Variants in DSCAM observed in about 807,000 individuals in gnomAD.
DSCAM encodes the protein DS cell adhesion molecule.
A neutral mutation model predicts 217.7 loss-of-function variants in DSCAM; 47 were observed. That is an observed-to-expected ratio of 0.22 (90% confidence interval 0.17 to 0.28). The LOEUF (loss-of-function observed/expected upper bound fraction) is 0.28, where lower values mean the gene tolerates loss of function less well. Among genes scored for constraint, DSCAM ranks in the 10% least tolerant of loss-of-function variants. DSCAM has a pLI of 1.00. For missense variants in DSCAM, 2,080 were observed against 2,618.3 expected (o/e 0.79, Z 4.49); for synonymous variants, 1,056 against 1,015.3 (o/e 1.04, Z -0.76).
chr21:40,838,071 G>A (rs1359088497), intron 1 of DSCAM, among the ~76,000 whole-genome samples: 2 of 152,168 alleles, frequency 1.3e-5, no homozygotes, highest in African/African-American at 4.8e-5. Context: ...TTTCCTTAAA[G>A]TAATAAGTTT....
chr21:40,811,112 T>A (rs1388744705), intron 1 of DSCAM, among the ~76,000 whole-genome samples: 1 of 152,168 alleles, frequency 6.6e-6, no homozygotes, highest in African/African-American at 2.4e-5. Flanking sequence ...GCTCAGTGTG[T>A]CCCTAGTCAG....
chr21:40,844,328 C>A (rs113670817), intron 1 of DSCAM, among the ~76,000 whole-genome samples: 1 of 152,184 alleles, frequency 6.6e-6, no homozygotes, highest in Non-Finnish European at 1.5e-5. Context: ...TCCCCTCCCC[C>A]CTTCAAAGAT....
intron 3 of DSCAM, among the ~76,000 whole-genome samples, chr21:40,459,651 T>G (rs1203044732): frequency 6.6e-6 from 1 of 152,196 alleles, no homozygotes; most frequent in East Asian, 1.9e-4. Context: ...CAGACTCTAC[T>G]TAAGATGGGA....
At chr21:40,663,885 G>A (rs1427819142) in intron 3 of DSCAM, among the ~76,000 whole-genome samples, 1 of 151,970 alleles carries the variant, frequency 6.6e-6, no homozygotes, top group Admixed American at 6.5e-5. Flanking sequence ...TTTGATTTCT[G>A]TTTGTCACTT....
chr21:40,630,167 G>T (rs1454866767), intron 3 of DSCAM, among the ~76,000 whole-genome samples: 1 of 152,146 alleles, frequency 6.6e-6, no homozygotes, highest in Admixed American at 6.5e-5. Flanking sequence ...CACAAAGTAT[G>T]TCTAATATTA....
chr21:40,673,094 T>G (rs541790484), intron 3 of DSCAM, among the ~76,000 whole-genome samples: 1 of 152,276 alleles, frequency 6.6e-6, no homozygotes, highest in African/African-American at 2.4e-5. Context: ...ATCCCTTCCC[T>G]GGCCACCTCC....
At chr21:40,219,596 G>T (rs1179931672) in intron 11 of DSCAM, among the ~76,000 whole-genome samples, 2 of 152,108 alleles carry the variant, frequency 1.3e-5, no homozygotes, top group Admixed American at 1.3e-4. Flanking sequence ...AATTAAGGGT[G>T]AAATTAATGA....
At chr21:40,780,409 G>GTATATA (rs2091528831) in intron 1 of DSCAM, among the ~76,000 whole-genome samples, 6 of 76,618 alleles carry the variant, frequency 7.8e-5, no homozygotes, top group South Asian at 5.8e-4. Context: ...GTGTGTGTGT[G>GTATATA]TGTGTGTGTG....
intron 3 of DSCAM, chr21:40,630,910 G>C (rs1309719384): frequency 1.3e-5 from 2 of 152,174 alleles, no homozygotes; most frequent in Admixed American, 1.3e-4. Flanking sequence ...ATGAAACGAA[G>C]TCCCCGCTTG....
At chr21:40,524,400 G>A in intron 3 of DSCAM, among the ~76,000 whole-genome samples, 1 of 151,702 alleles carries the variant, frequency 6.6e-6, no homozygotes, top group East Asian at 1.9e-4. Context: ...GCTTGATAAA[G>A]TAATTTAAAA....
chr21:40,031,226 T>G lies in DSCAM; in HGVS notation c.5686+11145A>C, dbSNP rs533918394. On this transcript the variant is annotated intron_variant, in intron 32 of 32. Transcript: ENST00000400454. Reference sequence around the variant, plus strand: ...AAAGTGATGGGGGAGGCATGTACCTTAGAGAACAGTGATGTGGGGGTAGAG... The same window carrying G: ...AAAGTGATGGGGGAGGCATGTACCTGAGAGAACAGTGATGTGGGGGTAGAG... 2.0e-3 allele frequency among the ~76,000 whole-genome samples: 307 copies of G among 152,228 alleles called. 3 individuals carry two copies. The highest frequency in any genetic ancestry group is 6.9e-3 in the African/African-American group (288 of 41,536).
intron 3 of DSCAM, among the ~76,000 whole-genome samples, chr21:40,559,786 C>CTTTTTTTTTTTTT: frequency 9.1e-6 from 1 of 109,410 alleles, no homozygotes; most frequent in African/African-American, 3.4e-5. Flanking sequence ...AATTTTCTGT[C>CTTTTTTTTTTTTT]TTTTTTTTTT....
chr21:40,282,138 T>C (rs1259909048), intron 10 of DSCAM, among the ~76,000 whole-genome samples: 1 of 152,210 alleles, frequency 6.6e-6, no homozygotes, highest in Admixed American at 6.5e-5. Flanking sequence ...GCCTTCAACT[T>C]TTATTTAAGT....
chr21:40,419,034 G>C (rs983194516), intron 3 of DSCAM, among the ~76,000 whole-genome samples: 2 of 151,974 alleles, frequency 1.3e-5, no homozygotes, highest in African/African-American at 4.8e-5. Context: ...GCAGTGGTGC[G>C]ATCTCGGCCC....
At chr21:40,075,915 G>A (rs902140096) in intron 26 of DSCAM, among the ~76,000 whole-genome samples, 8 of 152,150 alleles carry the variant, frequency 5.3e-5, no homozygotes, top group Admixed American at 4.6e-4. Flanking sequence ...ATCTTAAGCT[G>A]CCTTCTATCC....
chr21:40,457,710 C>T (rs946132172), intron 3 of DSCAM, among the ~76,000 whole-genome samples: 2 of 152,028 alleles, frequency 1.3e-5, no homozygotes, highest in South Asian at 2.1e-4. Context: ...GAAAGAATAA[C>T]GTAAAATATG....
chr21:40,085,760 C>A lies in DSCAM; in HGVS notation c.3974G>T (p.Gly1325Val). 1 of 1,498,334 alleles carries A rather than the reference C, an allele frequency of 6.7e-7. No individual in the cohort carries two copies. The allele number at this position is 1,498,334 out of a possible 1,614,324, so 92.8% of individuals were successfully genotyped here. A position where few individuals can be genotyped will look rare whatever the true frequency, so the allele number is the denominator to read the frequency against. Residue 1325 changes from glycine to valine, a missense_variant, in exon 23 of 33, where the codon GGG (glycine) becomes GTG (valine). By Grantham distance (109) the Gly-to-Val change is moderately radical (BLOSUM62 -3). Coordinates refer to ENST00000400454, the MANE Select transcript of DSCAM (RefSeq NM_001389.5). ...ATCAATCGTTACTAGACTGGGTGTC[C>A]CGTTACTGCCTCACAGGAAGAAAAA... ...PAVKWMKDSN[G>V]TPSLVTIDGR...
intron 1 of DSCAM, among the ~76,000 whole-genome samples, chr21:40,729,586 T>C (rs2142134): frequency 0.084 from 12,809 of 152,286 alleles, 668 homozygotes; most frequent in African/African-American, 0.14. Flanking sequence ...TAATCAGATC[T>C]TTAAGTCACA....
chr21:40,311,982 T>A, intron 9 of DSCAM, 99 bp downstream of exon 9: 3 of 370,010 alleles, frequency 8.1e-6, no homozygotes, highest in Non-Finnish European at 1.4e-5. Flanking sequence ...ACTGAATTTC[T>A]AAGTTCCAGT....
Sources: allele counts gnomAD v4.1 joint callset (sites outside exome capture counted in the v4.1 genomes callset), GRCh38; gene constraint gnomAD v4.1.1; transcripts MANE v1.5; gene names NCBI Gene and HGNC (gene_info 2026-07-23, HGNC 2026-07-21).